DAAM2: variants seen among roughly 807,000 people sequenced by gnomAD.
The protein encoded by DAAM2 is disheveled-associated activator of morphogenesis 2.
A neutral mutation model predicts 120.7 loss-of-function variants in DAAM2; 39 were observed. The ratio of observed to expected loss-of-function variants is 0.32; its 90% CI spans 0.25 to 0.42. DAAM2 has a LOEUF of 0.42. Ranked by LOEUF, DAAM2 falls within the 10% of genes least tolerant of loss-of-function variation. The pLI is 1.00. For synonymous variants in DAAM2, 488 were observed against 524.9 expected (o/e 0.93, Z 0.96); for missense variants, 1,283 against 1,401.7 (o/e 0.92, Z 1.35).
intron 1 of DAAM2, among the ~76,000 whole-genome samples, chr6:39,812,193 T>G (rs1360975972): frequency 6.6e-6 from 1 of 152,206 alleles, no homozygotes; most frequent in Non-Finnish European, 1.5e-5. Flanking sequence ...CTTCTGCAGC[T>G]GTTCTCCTAT....
intron 1 of DAAM2, among the ~76,000 whole-genome samples, chr6:39,823,685 C>A (rs1359945075): frequency 2.0e-5 from 3 of 152,318 alleles, no homozygotes; most frequent in African/African-American, 7.2e-5. Flanking sequence ...ATCGCATGAT[C>A]CCTGGTGTAC....
chr6:39,846,570 G>A (rs1455490258), intron 1 of DAAM2, among the ~76,000 whole-genome samples: 1 of 152,036 alleles, frequency 6.6e-6, no homozygotes, highest in African/African-American at 2.4e-5. Context: ...TCTACTCTAC[G>A]ACGCCTCCTC....
intron 2 of DAAM2, among the ~76,000 whole-genome samples, chr6:39,859,605 C>A (rs1764132644): frequency 1.3e-5 from 2 of 152,122 alleles, no homozygotes; most frequent in Admixed American, 1.3e-4. Flanking sequence ...AAATGCACAC[C>A]AGATTTTGAA....
chr6:39,806,416 T>C (rs1762011136), intron 1 of DAAM2, among the ~76,000 whole-genome samples: 2 of 152,136 alleles, frequency 1.3e-5, no homozygotes. Context: ...GCTATACCCA[T>C]ATAGCTATGT....
chr6:39,810,462 C>T (rs1762129143), intron 1 of DAAM2, among the ~76,000 whole-genome samples: 1 of 152,190 alleles, frequency 6.6e-6, no homozygotes, highest in Non-Finnish European at 1.5e-5. Context: ...TGGTGCTCTT[C>T]CCAGACCCCT....
chr6:39,836,558 A>G (rs1763109495), intron 1 of DAAM2, among the ~76,000 whole-genome samples: 1 of 152,324 alleles, frequency 6.6e-6, no homozygotes, highest in African/African-American at 2.4e-5. Context: ...CCTAGAACCC[A>G]GGTATGCCTA....
chr6:39,900,272 A>G (rs1766399989), intron 23 of DAAM2, 64 bp downstream of exon 23: 1 of 1,568,508 alleles, frequency 6.4e-7, no homozygotes. Flanking sequence ...TCCTTCACCC[A>G]TTCCTACCAC....
At chr6:39,795,871 G>T (rs1159132479) in intron 1 of DAAM2, among the ~76,000 whole-genome samples, 3 of 152,164 alleles carry the variant, frequency 2.0e-5, no homozygotes, top group African/African-American at 7.2e-5. Context: ...GTGCTCTTTA[G>T]GGAGGGAGAA....
intron 18 of DAAM2, 72 bp from the exon 19 acceptor site, chr6:39,891,562 G>A (rs1013815681): frequency 6.5e-7 from 1 of 1,528,696 alleles, no homozygotes; most frequent in Non-Finnish European, 8.9e-7. Flanking sequence ...GGAGACTGGA[G>A]CTGGCTCCGG....
chr6:39,861,091 C>A, intron 3 of DAAM2, 74 bp downstream of exon 3: 2 of 1,049,830 alleles, frequency 1.9e-6, no homozygotes, highest in South Asian at 2.7e-5. Flanking sequence ...TTGGCATGCT[C>A]ATGCATTCAC....
chr6:39,871,691 G>A, intron 9 of DAAM2, 119 bp downstream of exon 9: 1 of 808,382 alleles, frequency 1.2e-6, no homozygotes, highest in Non-Finnish European at 2.0e-6. Flanking sequence ...TCCCTGGTGG[G>A]CACCCCCATG....
At chr6:39,793,543 A>G (rs1160173353) in intron 1 of DAAM2, among the ~76,000 whole-genome samples, 1 of 148,266 alleles carries the variant, frequency 6.7e-6, no homozygotes, top group Non-Finnish European at 1.5e-5. Flanking sequence ...AAGAGTCCCC[A>G]TAGGTTTTCC....
At chr6:39,896,786 C>T (rs1766120616) in intron 19 of DAAM2, 26 bp from the exon 20 acceptor site, 2 of 1,561,730 alleles carry the variant, frequency 1.3e-6, no homozygotes, top group East Asian at 2.3e-5. Context: ...CCCATGCAGG[C>T]CTCTGACCTG....
chr6:39,793,212 G>C (rs1761600741), intron 1 of DAAM2: 1 of 152,372 alleles, frequency 6.6e-6, no homozygotes. Context: ...CTGTGGCCCT[G>C]TGTCCAGCCG....
intron 1 of DAAM2, among the ~76,000 whole-genome samples, chr6:39,830,238 GTCTA>G (rs1458771629): frequency 6.6e-6 from 1 of 152,210 alleles, no homozygotes; most frequent in Non-Finnish European, 1.5e-5. Flanking sequence ...TGAAGCCTGT[GTCTA>G]TCTATTTTCA....
intron 22 of DAAM2, 48 bp from the exon 23 acceptor site, chr6:39,900,029 C>T: frequency 1.3e-6 from 2 of 1,573,662 alleles, no homozygotes; most frequent in Middle Eastern, 1.7e-4. Context: ...CTGCACCCGA[C>T]TCTCATCTTG....
At chr6:39,816,871 C>T (rs972834957) in intron 1 of DAAM2, among the ~76,000 whole-genome samples, 13 of 152,318 alleles carry the variant, frequency 8.5e-5, no homozygotes, top group South Asian at 4.1e-4. Context: ...CCCCGTGTGG[C>T]GGGAAACCTC....
chr6:39,802,153 A>T (rs1235903723), intron 1 of DAAM2, among the ~76,000 whole-genome samples: 1 of 152,240 alleles, frequency 6.6e-6, no homozygotes, highest in Non-Finnish European at 1.5e-5. Flanking sequence ...AAAGTCAATA[A>T]GTTACCATCC....
intron 1 of DAAM2, among the ~76,000 whole-genome samples, chr6:39,798,489 G>A (rs1424291449): frequency 6.6e-6 from 1 of 152,174 alleles, no homozygotes; most frequent in East Asian, 1.9e-4. Flanking sequence ...GAAAAAATAG[G>A]CAGTCAGTAA....
Sources: allele counts gnomAD v4.1 joint callset (sites outside exome capture counted in the v4.1 genomes callset), GRCh38; gene constraint gnomAD v4.1.1; transcripts MANE v1.5; gene names NCBI Gene and HGNC (gene_info 2026-07-23, HGNC 2026-07-21).